Variants in ARB2A observed in about 807,000 individuals in gnomAD.
ARB2A encodes cotranscriptional regulator ARB2A.
At chr5:93,948,306 G>A in the ARB2A span, among the ~76,000 whole-genome samples, 1 of 152,152 alleles carries the variant, frequency 6.6e-6, no homozygotes, top group Non-Finnish European at 1.5e-5. Context: ...CTGCATAAAT[G>A]TCTTCTTTTG....
the ARB2A span, among the ~76,000 whole-genome samples, chr5:93,662,365 T>C: frequency 5.9e-5 from 9 of 152,314 alleles, no homozygotes; most frequent in Non-Finnish European, 1.0e-4. Flanking sequence ...TGAGTTCAGC[T>C]ACCAGGGTAA....
chr5:93,631,593 T>C, the ARB2A span, among the ~76,000 whole-genome samples: 5 of 152,150 alleles, frequency 3.3e-5, no homozygotes, highest in Non-Finnish European at 5.9e-5. Context: ...TAAGAACAAG[T>C]TTCTGATTCT....
chr5:93,956,655 A>C, the ARB2A span, among the ~76,000 whole-genome samples: 1 of 151,878 alleles, frequency 6.6e-6, no homozygotes, highest in South Asian at 2.1e-4. Context: ...AAATAAAAAC[A>C]AAAGCAGAGC....
chr5:93,826,071 C>A, the ARB2A span, among the ~76,000 whole-genome samples: 18 of 152,172 alleles, frequency 1.2e-4, no homozygotes, highest in African/African-American at 4.3e-4. Context: ...ACTTAAGTTG[C>A]AAAAGTTATG....
chr5:93,990,184 TG>T, the ARB2A span, among the ~76,000 whole-genome samples: 1 of 152,158 alleles, frequency 6.6e-6, no homozygotes, highest in South Asian at 2.1e-4. Flanking sequence ...AAATAGGGAT[TG>T]GGGGAAAAAT....
chr5:93,786,310 A>C, the ARB2A span, among the ~76,000 whole-genome samples: 1 of 152,194 alleles, frequency 6.6e-6, no homozygotes, highest in Non-Finnish European at 1.5e-5. Flanking sequence ...CAAGATGGAA[A>C]AATACAGAGT....
the ARB2A span, among the ~76,000 whole-genome samples, chr5:93,907,048 G>A: frequency 6.6e-6 from 1 of 151,384 alleles, no homozygotes; most frequent in Non-Finnish European, 1.5e-5. Context: ...ACATGTAAGG[G>A]TAACCTCAAA....
chr5:94,050,101 G>A, the ARB2A span, among the ~76,000 whole-genome samples: 1 of 151,650 alleles, frequency 6.6e-6, no homozygotes, highest in Non-Finnish European at 1.5e-5. Context: ...CACTATTTCT[G>A]GCTAATTTTT....
chr5:93,741,150 C>T, the ARB2A span: 6 of 1,613,910 alleles, frequency 3.7e-6, no homozygotes, highest in African/African-American at 2.7e-5. Context: ...ACCCTAGGCT[C>T]AACCTCTTCT....
the ARB2A span, among the ~76,000 whole-genome samples, chr5:94,075,962 A>G: frequency 3.3e-5 from 5 of 152,098 alleles, no homozygotes; most frequent in Admixed American, 2.0e-4. Flanking sequence ...CATTTTCCAC[A>G]TCTGTAAAAT....
the ARB2A span, among the ~76,000 whole-genome samples, chr5:94,088,006 T>C: frequency 6.6e-6 from 1 of 152,228 alleles, no homozygotes; most frequent in African/African-American, 2.4e-5. Context: ...CTCATGACCA[T>C]ACTACAATTT....
the ARB2A span, among the ~76,000 whole-genome samples, chr5:94,001,119 G>A: frequency 6.6e-6 from 1 of 151,846 alleles, no homozygotes; most frequent in East Asian, 1.9e-4. Flanking sequence ...ATATTGTGTT[G>A]GCTATTCTGG....
At chr5:93,981,022 AAAT>A in the ARB2A span, among the ~76,000 whole-genome samples, 1 of 152,012 alleles carries the variant, frequency 6.6e-6, no homozygotes, top group African/African-American at 2.4e-5. Flanking sequence ...TCTACTCAGC[AAAT>A]AATTATTCAC....
the ARB2A span, among the ~76,000 whole-genome samples, chr5:93,760,365 T>C: frequency 6.6e-6 from 1 of 152,086 alleles, no homozygotes; most frequent in Non-Finnish European, 1.5e-5. Flanking sequence ...TCCATCAAAA[T>C]ACCACCATCA....
chr5:93,915,425 G>A, the ARB2A span, among the ~76,000 whole-genome samples: 1 of 151,332 alleles, frequency 6.6e-6, no homozygotes, highest in African/African-American at 2.4e-5. Flanking sequence ...GAGCATACCA[G>A]ATAATCAAGG....
chr5:93,972,727 A>T, the ARB2A span, among the ~76,000 whole-genome samples: 1 of 152,196 alleles, frequency 6.6e-6, no homozygotes, highest in Non-Finnish European at 1.5e-5. Context: ...GAAACTGAAG[A>T]TGACATAGCT....
At chr5:93,638,301 T>A in the ARB2A span, among the ~76,000 whole-genome samples, 1 of 152,160 alleles carries the variant, frequency 6.6e-6, no homozygotes, top group Non-Finnish European at 1.5e-5. Flanking sequence ...TGAGGGAGGC[T>A]TTGGGACTTC....
the ARB2A span, chr5:93,881,787 A>G: frequency 1.5e-6 from 1 of 665,680 alleles, no homozygotes; most frequent in African/African-American, 1.9e-5. Flanking sequence ...ATTTTTATAT[A>G]GTTGCATATT....
the ARB2A span, among the ~76,000 whole-genome samples, chr5:93,833,734 C>A: frequency 6.6e-6 from 1 of 152,142 alleles, no homozygotes; most frequent in African/African-American, 2.4e-5. Context: ...AACAAGTAAA[C>A]AACAGGAAAA....
Sources: gnomAD v4.1 joint callset for allele counts (sites outside exome capture counted in the v4.1 genomes callset) on GRCh38, gnomAD v4.1.1 for gene constraint, MANE v1.5 for transcripts, NCBI Gene and HGNC (gene_info 2026-07-23, HGNC 2026-07-21) for gene names.